The following TLCD4 variants were observed in gnomAD, a reference collection of about 807,000 sequenced individuals.
TLCD4 encodes the protein TLC domain-containing protein 4.
In TLCD4, 7 loss-of-function variants were observed where a neutral mutation model predicts 24.2. The observed-to-expected ratio is 0.29, with a 90% CI of 0.16 to 0.54. TLCD4 has a LOEUF of 0.54. Among genes scored for constraint, TLCD4 ranks in the 20% least tolerant of loss-of-function variants. The pLI, the probability that TLCD4 is intolerant of heterozygous loss-of-function variation, is 0.95. For synonymous variants in TLCD4, 103 were observed against 106.4 expected (o/e 0.97, Z 0.20); for missense variants, 259 against 313.9 (o/e 0.82, Z 1.32).
At chr1:95,188,766 C>T (rs547316100) in intron 6 of TLCD4, among the ~76,000 whole-genome samples, 1 of 152,224 alleles carries the variant, frequency 6.6e-6, no homozygotes, top group Admixed American at 6.5e-5. Flanking sequence ...CTAAATGATA[C>T]TCTAACAGGT....
At chr1:95,112,689 C>T (rs1676362644), upstream of TLCD4, among the ~76,000 whole-genome samples, 1 of 152,138 alleles carries the variant, frequency 6.6e-6, no homozygotes, top group Non-Finnish European at 1.5e-5. Flanking sequence ...CATTTTCAGA[C>T]AGGCAAGTAC....
At position 95,155,013 on chromosome 1, in the gene TLCD4, T is replaced by TGCA. The variant is rs1677593540; in HGVS notation, c.399+3595_399+3596insCAG. On this transcript the variant is annotated intron_variant, in intron 5 of 6. Transcript: ENST00000370203. The stretch of plus-strand genomic sequence containing the variant: ...CTACCAACATATAGTCGTAGTGTAG[T>TGCA]GTAGTGCAGTGCAGTGCAGTGTAGT... Among the ~76,000 whole-genome samples, 9 of 151,570 alleles carry TGCA rather than the reference T, an allele frequency of 5.9e-5. No homozygotes were observed. In the South Asian group the frequency reaches 8.3e-4, roughly 14 times the overall value.
At chr1:95,138,041 C>CT (rs1463273857) in intron 1 of TLCD4, among the ~76,000 whole-genome samples, 1 of 152,092 alleles carries the variant, frequency 6.6e-6, no homozygotes, top group African/African-American at 2.4e-5. Context: ...AGAACTGAGT[C>CT]TTTTGGGCTC....
In TLCD4 at chr1:95,194,395, C is replaced by T. The variant is rs950276969; in HGVS notation, c.*2527C>T. ...CTTTGCTGTTCTATGATTGTATTCA[C>T]CTACCTAAAATACAAATGAAGACAG... On this transcript the variant is annotated 3_prime_UTR_variant, in exon 7 of 7. Coordinates refer to ENST00000370203, the MANE Select transcript of TLCD4 (RefSeq NM_152487.3). 6.6e-6 allele frequency: 1 copy of T among 152,084 alleles called. No individual in the cohort carries two copies. The highest frequency in any genetic ancestry group is 2.4e-5 in the African/African-American group (1 of 41,420). The allele number at this position is 152,084 out of a possible 1,614,324, so 9.4% of individuals were successfully genotyped here. A position where few individuals can be genotyped will look rare whatever the true frequency, so the allele number is the denominator to read the frequency against.
At chr1:95,133,108 A>G (rs1357605901) in intron 1 of TLCD4, among the ~76,000 whole-genome samples, 1 of 152,176 alleles carries the variant, frequency 6.6e-6, no homozygotes, top group East Asian at 1.9e-4. Context: ...GAGAAACTTT[A>G]TGGAAAGAGA....
At chr1:95,112,130 A>T in the TLCD4 span, among the ~76,000 whole-genome samples, 1 of 152,118 alleles carries the variant, frequency 6.6e-6, no homozygotes, top group Non-Finnish European at 1.5e-5. Flanking sequence ...TACTCACTAG[A>T]TGCCAGACCA....
intron 5 of TLCD4, among the ~76,000 whole-genome samples, chr1:95,166,078 GAC>G (rs1320471211): frequency 1.3e-5 from 2 of 152,212 alleles, no homozygotes; most frequent in African/African-American, 4.8e-5. Context: ...TCAGAAGTAG[GAC>G]AGGCAGGTGG....
intron 1 of TLCD4, among the ~76,000 whole-genome samples, chr1:95,124,398 C>G (rs767210221): frequency 6.6e-6 from 1 of 152,066 alleles, no homozygotes; most frequent in East Asian, 1.9e-4. Flanking sequence ...TTCCAGAAGG[C>G]GAGAAAAATT....
intron 2 of TLCD4, 30 bp downstream of exon 2, chr1:95,144,086 A>G: frequency 7.3e-7 from 1 of 1,373,522 alleles, no homozygotes; most frequent in Non-Finnish European, 9.5e-7. Flanking sequence ...AATTGATGAC[A>G]AGAAACTAGT....
At chr1:95,125,977 C>A (rs924717964) in intron 1 of TLCD4, among the ~76,000 whole-genome samples, 2 of 120,350 alleles carry the variant, frequency 1.7e-5, no homozygotes, top group African/African-American at 3.2e-5. Flanking sequence ...CATAATGAGA[C>A]GCCATCTCTA....
the TLCD4 span, among the ~76,000 whole-genome samples, chr1:95,104,584 G>A: frequency 6.8e-6 from 1 of 147,818 alleles, no homozygotes; most frequent in African/African-American, 2.5e-5. Context: ...CGAGTGGCAT[G>A]AACTCCGGGG....
chr1:95,152,632 C>G (rs528744230), intron 5 of TLCD4, among the ~76,000 whole-genome samples: 1 of 152,164 alleles, frequency 6.6e-6, no homozygotes, highest in South Asian at 2.1e-4. Flanking sequence ...GTCTTGATTG[C>G]TATTTTTGTA....
At chr1:95,130,683 A>G (rs1424883272) in intron 1 of TLCD4, among the ~76,000 whole-genome samples, 1 of 152,218 alleles carries the variant, frequency 6.6e-6, no homozygotes, top group Non-Finnish European at 1.5e-5. Context: ...TAGAGTTTGC[A>G]GATAGAGACT....
chr1:95,092,529 C>G, the TLCD4 span, among the ~76,000 whole-genome samples: 25 of 152,164 alleles, frequency 1.6e-4, no homozygotes, highest in Non-Finnish European at 3.2e-4. Flanking sequence ...AAGCTTTGTT[C>G]TTTCGTTCTT....
the TLCD4 span, among the ~76,000 whole-genome samples, chr1:95,096,599 T>G: frequency 1.3e-5 from 2 of 152,222 alleles, no homozygotes; most frequent in African/African-American, 4.8e-5. Flanking sequence ...AACTAGATAA[T>G]ATTGACTCAA....
chr1:95,190,145 C>T (rs1381714965), intron 6 of TLCD4, among the ~76,000 whole-genome samples: 1 of 149,584 alleles, frequency 6.7e-6, no homozygotes, highest in Non-Finnish European at 1.5e-5. Context: ...CTCTTGTTGC[C>T]TAGGCTGGAG....
intron 5 of TLCD4, among the ~76,000 whole-genome samples, chr1:95,168,994 C>T (rs2100982011): frequency 6.6e-6 from 1 of 152,318 alleles, no homozygotes; most frequent in Middle Eastern, 3.4e-3. Context: ...AGCAGGTCCA[C>T]CTTAAGAGCT....
rs1282276831 is a variant in TLCD4 at position 95,197,358 on chromosome 1, T to C, written c.*5490T>C. 1 of 152,220 alleles carries C rather than the reference T, an allele frequency of 6.6e-6. No homozygotes were observed. Among genetic ancestry groups the C allele is most frequent in the Non-Finnish European group, 1.5e-5 (1 of 68,038 alleles). 9.4% of individuals were successfully genotyped at this position (152,220 alleles called of 1,614,324 possible). On this transcript the variant is annotated 3_prime_UTR_variant, in exon 7 of 7. Coordinates refer to ENST00000370203, the MANE Select transcript of TLCD4 (RefSeq NM_152487.3). The stretch of plus-strand genomic sequence containing the variant: ...TTTTGAAATGTTTGTATACTTTATG[T>C]GTGCCATTTTAAAGTATATGCAAGT...
chr1:95,178,017 C>T (rs1342211341), intron 6 of TLCD4, among the ~76,000 whole-genome samples: 1 of 144,576 alleles, frequency 6.9e-6, no homozygotes, highest in Non-Finnish European at 1.5e-5. Context: ...GTGGCGTGAT[C>T]TTGGCTCACT....
Sources: gnomAD v4.1 joint callset for allele counts (sites outside exome capture counted in the v4.1 genomes callset) on GRCh38, gnomAD v4.1.1 for gene constraint, MANE v1.5 for transcripts, NCBI Gene and HGNC (gene_info 2026-07-23, HGNC 2026-07-21) for gene names.